Variants in IL12RB2 observed in about 807,000 individuals in gnomAD.
The protein encoded by IL12RB2 is interleukin-12 receptor subunit beta-2.
IL12RB2 carries 82 observed loss-of-function variants against 89.4 expected under a neutral mutation model. The ratio of observed to expected loss-of-function variants is 0.92; its 90% CI spans 0.77 to 1.10. IL12RB2 has a LOEUF of 1.10. IL12RB2 is among the 50% of genes least tolerant of loss of function. IL12RB2 has a pLI of 0.00. For synonymous variants in IL12RB2, 368 were observed against 370.1 expected (o/e 0.99, Z 0.07); for missense variants, 963 against 1,031.9 (o/e 0.93, Z 0.92).
In IL12RB2 at chr1:67,372,717, G is replaced by A. The variant is rs767244194; in HGVS notation, c.1651G>A (p.Gly551Ser). Residue 551 changes from glycine (G) to serine (S), a missense_variant, in exon 13 of 17, where the codon GGC becomes AGC. By Grantham distance (56) the Gly-to-Ser change is moderately conservative. Coordinates refer to ENST00000674203, the MANE Select transcript of IL12RB2 (RefSeq NM_001374259.2). The part of the protein sequence containing the change: ...WNSIPVQEQM[G>S]CLLHYRIYWK... ...CAGCATTCCAGTCCAGGAGCAAATG[G>A]GCTGCCTCCTCCATTATAGGATATA... 9 of 1,606,014 alleles carry A rather than the reference G, an allele frequency of 5.6e-6. No individual in the cohort carries two copies. Among genetic ancestry groups the A allele is most frequent in the East Asian group, 2.2e-5 (1 of 44,846 alleles).
At chr1:67,314,516 C>T (rs1655505472) in intron 2 of IL12RB2, among the ~76,000 whole-genome samples, 1 of 152,188 alleles carries the variant, frequency 6.6e-6, no homozygotes. Context: ...ATGGTGCTCT[C>T]ACAGTCAATA....
intron 9 of IL12RB2, among the ~76,000 whole-genome samples, chr1:67,343,802 C>T: frequency 6.6e-6 from 1 of 152,222 alleles, no homozygotes; most frequent in Non-Finnish European, 1.5e-5. Flanking sequence ...AGCATCCTCT[C>T]ATTATCTTGA....
At position 67,370,282 on chromosome 1, in the gene IL12RB2, C is replaced by G. The variant is rs190217765; in HGVS notation, c.1460-2154C>G. ...GCAGATTTGGACATTTTGGAGTGGG[C>G]CAGAATACAGCCCGGCTCCTGATTT... On this transcript the variant is annotated intron_variant, in intron 11 of 16. Transcript: ENST00000674203. 2.4e-4 allele frequency among the ~76,000 whole-genome samples: 37 copies of G among 152,174 alleles called. 1 individual carries two copies. The highest frequency in any genetic ancestry group is 7.2e-4 in the Admixed American group (11 of 15,282).
chr1:67,362,300 C>T (rs1183089922), intron 10 of IL12RB2, among the ~76,000 whole-genome samples: 1 of 151,478 alleles, frequency 6.6e-6, no homozygotes, highest in Admixed American at 6.6e-5. Context: ...GGCGCGGTGG[C>T]TCACGCCTGT....
At chr1:67,364,800 T>C (rs768231832) in intron 10 of IL12RB2, among the ~76,000 whole-genome samples, 3 of 152,190 alleles carry the variant, frequency 2.0e-5, no homozygotes, top group Non-Finnish European at 4.4e-5. Flanking sequence ...GCATCCTCAA[T>C]CAACTAAACA....
chr1:67,383,579 AG>A (rs1375168513), intron 14 of IL12RB2, among the ~76,000 whole-genome samples: 1 of 152,184 alleles, frequency 6.6e-6, no homozygotes, highest in East Asian at 1.9e-4. Context: ...CTAGATATAA[AG>A]GGGGTACAGG....
intron 14 of IL12RB2, among the ~76,000 whole-genome samples, chr1:67,385,885 A>C (rs761501532): frequency 8.5e-5 from 13 of 152,216 alleles, no homozygotes; most frequent in Non-Finnish European, 1.6e-4. Flanking sequence ...CCAGCAAGGT[A>C]CATGTCACCA....
At chr1:67,365,705 GA>G (rs1662593125) in intron 10 of IL12RB2, among the ~76,000 whole-genome samples, 1 of 151,960 alleles carries the variant, frequency 6.6e-6, no homozygotes, top group Admixed American at 6.6e-5. Flanking sequence ...TCACCATGTG[GA>G]AAAATAGTAA....
At chr1:67,307,593 C>A (rs1654421675), upstream of IL12RB2, 1 of 152,268 alleles carries the variant, frequency 6.6e-6, no homozygotes, top group Non-Finnish European at 1.5e-5. Flanking sequence ...AATTATCTTG[C>A]TCAAGGCGAC....
Position 67,390,130 on chromosome 1 carries a change from T to A in IL12RB2, c.2046+2T>A. 1 of 1,041,600 alleles carries A rather than the reference T, an allele frequency of 9.6e-7. No homozygotes were observed. Among genetic ancestry groups the A allele is most frequent in the Non-Finnish European group, 1.5e-6 (1 of 656,324 alleles). 64.5% of individuals were successfully genotyped at this position (1,041,600 alleles called of 1,614,324 possible). ...GCTAAGAAATATCCCATTGCAGAGG[T>A]AAGGTACAATTCCTCTGTGGTCAGT... On this transcript the variant is annotated splice_donor_variant, in intron 16 of 16. Coordinates refer to ENST00000674203, the MANE Select transcript of IL12RB2 (RefSeq NM_001374259.2). LOFTEE classifies it high-confidence loss of function.
At chr1:67,391,970 C>T (rs952344697) in intron 16 of IL12RB2, among the ~76,000 whole-genome samples, 6 of 152,020 alleles carry the variant, frequency 3.9e-5, no homozygotes, top group African/African-American at 1.2e-4. Context: ...CTTCATTTTC[C>T]GCATGAGGAA....
intron 10 of IL12RB2, among the ~76,000 whole-genome samples, chr1:67,365,921 C>A (rs1398724522): frequency 3.9e-5 from 6 of 152,054 alleles, no homozygotes; most frequent in Non-Finnish European, 7.4e-5. Flanking sequence ...GATAAATTTA[C>A]CAACATCAAA....
intron 16 of IL12RB2, among the ~76,000 whole-genome samples, chr1:67,393,822 G>C (rs1666080640): frequency 6.6e-6 from 1 of 152,208 alleles, no homozygotes; most frequent in African/African-American, 2.4e-5. Flanking sequence ...CCAGGCTACA[G>C]TGTTGGAGTT....
chr1:67,397,439 G>A lies in IL12RB2; in HGVS notation c.*1350G>A, dbSNP rs1456744909. On this transcript the variant is annotated 3_prime_UTR_variant, in exon 17 of 17. Coordinates refer to ENST00000674203, the MANE Select transcript of IL12RB2 (RefSeq NM_001374259.2). ...CCAACCTCTGAGGTTGTCCTCAGAA[G>A]TGGTCTGTCCCCTGTTCCCAAAGGC... Among the ~76,000 whole-genome samples the A allele has an allele frequency of 1.3e-5, 2 of 152,192 alleles. No homozygotes were observed. Among genetic ancestry groups the A allele is most frequent in the Non-Finnish European group, 2.9e-5 (2 of 68,026 alleles).
intron 10 of IL12RB2, among the ~76,000 whole-genome samples, chr1:67,353,094 A>G (rs1324077264): frequency 1.3e-5 from 2 of 152,236 alleles, no homozygotes; most frequent in Non-Finnish European, 2.9e-5. Flanking sequence ...AAACACCATA[A>G]ACAACCTAAG....
intron 16 of IL12RB2, 125 bp from the exon 17 acceptor site, chr1:67,395,422 C>A: frequency 6.3e-7 from 1 of 1,582,892 alleles, no homozygotes; most frequent in Non-Finnish European, 8.6e-7. Flanking sequence ...ACTCCAGTGC[C>A]CAACATGTTC....
chr1:67,378,822 C>T (rs964716336), intron 13 of IL12RB2, among the ~76,000 whole-genome samples: 1 of 145,212 alleles, frequency 6.9e-6, no homozygotes, highest in Non-Finnish European at 1.5e-5. Context: ...TGTACTCTAG[C>T]CTGGGTGACA....
At chr1:67,351,781 A>G (rs1660875898) in intron 10 of IL12RB2, among the ~76,000 whole-genome samples, 1 of 152,238 alleles carries the variant, frequency 6.6e-6, no homozygotes, top group African/African-American at 2.4e-5. Context: ...AACTAGATGT[A>G]GAGTCTCACA....
At chr1:67,372,234 C>T (rs1663446915) in intron 11 of IL12RB2, among the ~76,000 whole-genome samples, 1 of 152,156 alleles carries the variant, frequency 6.6e-6, no homozygotes, top group South Asian at 2.1e-4. Context: ...GGAGCAGTAA[C>T]TTCCAGAAGC....
Sources: gnomAD v4.1 joint callset for allele counts (sites outside exome capture counted in the v4.1 genomes callset) on GRCh38, gnomAD v4.1.1 for gene constraint, MANE v1.5 for transcripts, NCBI Gene and HGNC (gene_info 2026-07-23, HGNC 2026-07-21) for gene names.